CSMD1: variants seen among roughly 807,000 people sequenced by gnomAD.
The protein encoded by CSMD1 is CUB and sushi domain-containing protein 1.
CSMD1 carries 213 observed loss-of-function variants against 417.5 expected under a neutral mutation model. That is an observed-to-expected ratio of 0.51 (90% CI 0.46 to 0.57). The LOEUF is 0.57. Ranked by LOEUF, CSMD1 falls within the 20% of genes least tolerant of loss-of-function variation. The pLI, the probability that CSMD1 is intolerant of heterozygous loss-of-function variation, is 0.00. For missense variants in CSMD1, 6,923 were observed against 4,529.7 expected (o/e 1.53, Z -15.17); for synonymous variants, 2,862 against 1,736.8 (o/e 1.65, Z -16.11).
chr8:3,291,791 T>C (rs1042554594), intron 25 of CSMD1, among the ~76,000 whole-genome samples: 2 of 150,510 alleles, frequency 1.3e-5, no homozygotes, highest in Non-Finnish European at 2.9e-5. Flanking sequence ...CTGGATTCAT[T>C]GACTTTTTTA....
chr8:3,978,203 G>A (rs1187010645), intron 5 of CSMD1, among the ~76,000 whole-genome samples: 1 of 152,178 alleles, frequency 6.6e-6, no homozygotes, highest in African/African-American at 2.4e-5. Flanking sequence ...TTACCAATGA[G>A]GTCACTGCTG....
At chr8:4,846,326 G>C (rs1217952122) in intron 1 of CSMD1, among the ~76,000 whole-genome samples, 1 of 152,172 alleles carries the variant, frequency 6.6e-6, no homozygotes, top group African/African-American at 2.4e-5. Context: ...AGCCTGTAAG[G>C]AGATGTGTGC....
intron 10 of CSMD1, among the ~76,000 whole-genome samples, chr8:3,509,992 G>T (rs545052992): frequency 2.0e-5 from 3 of 152,154 alleles, no homozygotes; most frequent in Non-Finnish European, 4.4e-5. Context: ...AATTGCAAAT[G>T]CATCTCTCCA....
chr8:3,524,631 CCA>C (rs1251876361), intron 10 of CSMD1, among the ~76,000 whole-genome samples: 40 of 148,644 alleles, frequency 2.7e-4, no homozygotes, highest in African/African-American at 9.7e-4. Flanking sequence ...ACATGCACAC[CCA>C]GAGAGACATG....
In CSMD1 at chr8:3,020,450, G is replaced by C. The variant is rs186786573; in HGVS notation, c.7856-1800C>G. Among the ~76,000 whole-genome samples, 1,216 of 152,248 alleles carry C rather than the reference G, an allele frequency of 8.0e-3. 14 individuals are homozygous for C. Among genetic ancestry groups the C allele is most frequent in the Non-Finnish European group, 9.9e-3 (675 of 68,026 alleles). On this transcript the variant is annotated intron_variant, in intron 51 of 69. Transcript: ENST00000635120. Reference sequence around the variant, plus strand: ...GGTACAATTGTAGCTCCCAGCAGCAGCCCTGACCTCCTGGGTTCAAGACAT... The same window carrying C: ...GGTACAATTGTAGCTCCCAGCAGCACCCCTGACCTCCTGGGTTCAAGACAT...
chr8:4,226,846 A>G (rs904748390), intron 3 of CSMD1, among the ~76,000 whole-genome samples: 1 of 152,240 alleles, frequency 6.6e-6, no homozygotes, highest in South Asian at 2.1e-4. Context: ...AAATGCATGT[A>G]GTCTCCCCCT....
intron 3 of CSMD1, among the ~76,000 whole-genome samples, chr8:4,411,899 A>C (rs1227759491): frequency 6.6e-6 from 1 of 152,066 alleles, no homozygotes; most frequent in Non-Finnish European, 1.5e-5. Context: ...ACATCTTCTG[A>C]GGTCAATACA....
intron 61 of CSMD1, 72 bp from the exon 62 acceptor site, chr8:2,961,286 T>A: frequency 1.2e-6 from 1 of 863,762 alleles, no homozygotes; most frequent in Non-Finnish European, 1.9e-6. Context: ...CAGCTTTCAC[T>A]AAAAGGTCTC....
chr8:3,025,180 T>A (rs991337383), intron 51 of CSMD1, among the ~76,000 whole-genome samples: 1,304 of 117,812 alleles, frequency 0.011, 17 homozygotes, highest in East Asian at 0.025. Flanking sequence ...GTTATTCTGA[T>A]ACCGTGTATT....
At chr8:4,725,396 G>A (rs1231105440) in intron 1 of CSMD1, among the ~76,000 whole-genome samples, 3 of 152,244 alleles carry the variant, frequency 2.0e-5, no homozygotes, top group Non-Finnish European at 4.4e-5. Context: ...TTGTGAAAGC[G>A]CAATAATATA....
chr8:4,644,677 G>C (rs1047011797), intron 1 of CSMD1, among the ~76,000 whole-genome samples: 1 of 152,122 alleles, frequency 6.6e-6, no homozygotes, highest in East Asian at 1.9e-4. Context: ...CCAAAGTACT[G>C]GAATTACAGG....
chr8:4,191,744 CAAAAAA>C (rs3065543), intron 3 of CSMD1, among the ~76,000 whole-genome samples: 1 of 135,730 alleles, frequency 7.4e-6, no homozygotes, highest in Non-Finnish European at 1.6e-5. Context: ...AAGGTCATTC[CAAAAAA>C]AAAAAAAAAA....
At chr8:4,310,157 C>G (rs1465888779) in intron 3 of CSMD1, among the ~76,000 whole-genome samples, 1 of 152,120 alleles carries the variant, frequency 6.6e-6, no homozygotes, top group East Asian at 1.9e-4. Context: ...TTTCTAACAC[C>G]CAGGTATTGC....
At chr8:4,441,848 G>A (rs1032012475) in intron 2 of CSMD1, among the ~76,000 whole-genome samples, 9 of 152,096 alleles carry the variant, frequency 5.9e-5, no homozygotes, top group Admixed American at 2.0e-4. Context: ...AAGCATGAAC[G>A]AAAATTCCAG....
At chr8:4,167,906 C>T (rs1373190227) in intron 3 of CSMD1, among the ~76,000 whole-genome samples, 1 of 151,782 alleles carries the variant, frequency 6.6e-6, no homozygotes, top group East Asian at 1.9e-4. Context: ...GGCAGGCGGA[C>T]TGCCTGAGGT....
chr8:3,840,415 T>C (rs1432205842), intron 5 of CSMD1, among the ~76,000 whole-genome samples: 1 of 152,148 alleles, frequency 6.6e-6, no homozygotes, highest in Non-Finnish European at 1.5e-5. Context: ...TAGATAACGT[T>C]GTACTTTATT....
intron 11 of CSMD1, among the ~76,000 whole-genome samples, chr8:3,475,186 G>C (rs78261419): frequency 0.064 from 9,397 of 146,996 alleles, 487 homozygotes; most frequent in East Asian, 0.27. Context: ...CTTGAAGCCA[G>C]ATTAGGATTT....
intron 3 of CSMD1, among the ~76,000 whole-genome samples, chr8:4,356,059 A>G (rs559431668): frequency 6.6e-6 from 1 of 152,282 alleles, no homozygotes; most frequent in South Asian, 2.1e-4. Context: ...TCATCACCTG[A>G]GCAGTGTACA....
chr8:3,568,376 T>A (rs973851230), intron 10 of CSMD1, among the ~76,000 whole-genome samples: 18 of 152,166 alleles, frequency 1.2e-4, no homozygotes, highest in Non-Finnish European at 1.5e-5. Flanking sequence ...CTTGAGTCTG[T>A]ACAGTTTTTG....
Sources: gnomAD v4.1 joint callset for allele counts (sites outside exome capture counted in the v4.1 genomes callset) on GRCh38, gnomAD v4.1.1 for gene constraint, MANE v1.5 for transcripts, NCBI Gene and HGNC (gene_info 2026-07-23, HGNC 2026-07-21) for gene names.